TCF20: variants seen among roughly 807,000 people sequenced by gnomAD.
TCF20 encodes the protein SPRE-binding protein.
Under a neutral mutation model 148.6 loss-of-function variants are expected in TCF20, and 3 were observed. The ratio of observed to expected loss-of-function variants is 0.02; its 90% CI spans 0.01 to 0.05. TCF20 has a LOEUF of 0.05. Ranked by LOEUF, TCF20 falls within the 10% of genes least tolerant of loss-of-function variation. The pLI is 1.00. For synonymous variants in TCF20, 1,049 were observed against 909.5 expected (o/e 1.15, Z -2.76); for missense variants, 2,350 against 2,429.3 (o/e 0.97, Z 0.69).
rs148690831 is a variant in TCF20 at position 42,326,790 on chromosome 22, A to G, written c.-37+16689T>C. On this transcript the variant is annotated intron_variant, in intron 1 of 1. Coordinates refer to the TCF20 transcript ENST00000515426. ...TAGGGGGCTCCACCAGAGCAGCATC[A>G]ACCTTGCTAATCTTCAACTGAAGAG... is the stretch of plus-strand genomic sequence containing the variant. 5.1e-3 allele frequency among the ~76,000 whole-genome samples: 771 copies of G among 152,364 alleles called. 14 individuals carry two copies. The highest frequency in any genetic ancestry group is 3.7e-3 in the Admixed American group (57 of 15,308).
In TCF20 at chr22:42,317,397, C is replaced by T. The variant is rs1927651026; in HGVS notation, c.-37+26082G>A. 1.3e-5 allele frequency among the ~76,000 whole-genome samples: 2 copies of T among 152,114 alleles called. No individual in the cohort carries two copies. Among genetic ancestry groups the T allele is most frequent in the East Asian group, 3.9e-4 (2 of 5,192 alleles). On this transcript the variant is annotated intron_variant, in intron 1 of 1. Transcript: ENST00000515426. This position sits in a 1 kb window ranked among gnomAD's most constrained non-coding sequence, Gnocchi z 4.2. ...GTGTGTGGTGGGGAAGGAGGGGCGG[C>T]GCTGGGTGACGGAGCTTCGATTTAA...
chr22:42,218,907 A>G (rs928662999), intron 1 of TCF20, among the ~76,000 whole-genome samples: 56 of 152,124 alleles, frequency 3.7e-4, no homozygotes, highest in Admixed American at 2.7e-3. Flanking sequence ...AGAAAAAAAA[A>G]AAATCCAAGG....
In TCF20 at chr22:42,191,430, A is replaced by AG. The variant is rs1329263598; in HGVS notation, c.5656-11729dup. On this transcript the variant is annotated intron_variant, in intron 2 of 5. Transcript: ENST00000677622. ...TTAGCCTCTAAAGTAGCTGGATTAC[A>AG]GGCACCCACCATCACGTCCAGCTAA... is the stretch of plus-strand genomic sequence containing the variant. Among the ~76,000 whole-genome samples, 9 of 152,206 alleles carry AG rather than the reference A, an allele frequency of 5.9e-5. No homozygotes were observed. In the South Asian group the frequency reaches 1.7e-3, roughly 28 times the overall value.
chr22:42,326,953 A>G (rs1354608056), intron 1 of TCF20, among the ~76,000 whole-genome samples: 3 of 152,236 alleles, frequency 2.0e-5, no homozygotes, highest in African/African-American at 7.2e-5. Flanking sequence ...TTTTATAGTG[A>G]GGAAAGGGCA....
At chr22:42,320,940 G>T (rs1194525490) in intron 1 of TCF20, among the ~76,000 whole-genome samples, 1 of 152,184 alleles carries the variant, frequency 6.6e-6, no homozygotes, top group African/African-American at 2.4e-5. Flanking sequence ...TTTGTCCACA[G>T]TCATGGCCAT....
At chr22:42,245,253 A>C (rs966782230) in intron 1 of TCF20, among the ~76,000 whole-genome samples, 6 of 151,898 alleles carry the variant, frequency 4.0e-5, no homozygotes, top group Non-Finnish European at 8.8e-5. Context: ...ATGCCCGGCT[A>C]TTTTTAATTT....
intron 1 of TCF20, among the ~76,000 whole-genome samples, chr22:42,313,217 T>C (rs949595803): frequency 1.3e-5 from 2 of 152,216 alleles, no homozygotes; most frequent in Non-Finnish European, 2.9e-5. Context: ...TGGAGACAGC[T>C]GCTAGGATGC....
chr22:42,171,744 C>T (rs934874998), intron 3 of TCF20, among the ~76,000 whole-genome samples: 1 of 152,240 alleles, frequency 6.6e-6, no homozygotes, highest in East Asian at 1.9e-4. Flanking sequence ...ATGCTCTCTT[C>T]TTACCTGGGC....
chr22:42,200,959 C>T (rs1937968961), intron 2 of TCF20, among the ~76,000 whole-genome samples: 1 of 152,232 alleles, frequency 6.6e-6, no homozygotes, highest in Non-Finnish European at 1.5e-5. Context: ...TCTGTGACTT[C>T]ACCAAATCTC....
chr22:42,287,149 C>T (rs1927047338), upstream of TCF20, among the ~76,000 whole-genome samples: 1 of 152,184 alleles, frequency 6.6e-6, no homozygotes, highest in African/African-American at 2.4e-5. Flanking sequence ...AAGGCGACAA[C>T]TCCCAGGCAC....
chr22:42,293,319 C>A (rs1288797690), intron 1 of TCF20, among the ~76,000 whole-genome samples: 2 of 152,216 alleles, frequency 1.3e-5, no homozygotes, highest in African/African-American at 4.8e-5. Context: ...AGAGTATTGT[C>A]CCTAGGTGGG....
chr22:42,219,355 CAA>C (rs528664836), intron 1 of TCF20, among the ~76,000 whole-genome samples: 97 of 43,538 alleles, frequency 2.2e-3, no homozygotes, highest in African/African-American at 5.0e-3. Context: ...AACCCTGTCT[CAA>C]AAAAAAAAAA....
intron 3 of TCF20, among the ~76,000 whole-genome samples, chr22:42,179,298 T>A: frequency 6.7e-6 from 1 of 148,928 alleles, no homozygotes. Context: ...TTCATAACAG[T>A]CAAAAAGTGG....
At chr22:42,265,477 T>A (rs1017381915) in intron 1 of TCF20, among the ~76,000 whole-genome samples, 1 of 152,214 alleles carries the variant, frequency 6.6e-6, no homozygotes. Flanking sequence ...CTGGCCTTTT[T>A]TATTTTGCAG....
chr22:42,174,416 C>A (rs1239041326), intron 3 of TCF20, among the ~76,000 whole-genome samples: 1 of 152,100 alleles, frequency 6.6e-6, no homozygotes, highest in African/African-American at 2.4e-5. Context: ...TCCAGGGGGG[C>A]CCTTGCTGAA....
intron 1 of TCF20, among the ~76,000 whole-genome samples, chr22:42,268,415 T>C (rs1037849152): frequency 7.9e-5 from 12 of 152,224 alleles, no homozygotes; most frequent in African/African-American, 1.9e-4. Context: ...AAGGAGAAAG[T>C]TGGGGATGCA....
intron 3 of TCF20, among the ~76,000 whole-genome samples, chr22:42,173,056 G>A (rs1936223003): frequency 6.6e-6 from 1 of 151,764 alleles, no homozygotes; most frequent in Non-Finnish European, 1.5e-5. Flanking sequence ...AGAGATAGCA[G>A]CTTTAAAATG....
At chr22:42,314,286 G>A (rs573663038) in intron 1 of TCF20, among the ~76,000 whole-genome samples, 5 of 152,372 alleles carry the variant, frequency 3.3e-5, no homozygotes, top group South Asian at 2.1e-4. Flanking sequence ...TGCCTAATGC[G>A]AATCGCTTCT....
chr22:42,217,803 G>A (rs1039171750), intron 1 of TCF20, among the ~76,000 whole-genome samples: 17 of 152,144 alleles, frequency 1.1e-4, no homozygotes, highest in Admixed American at 2.0e-4. Flanking sequence ...GAGAACTGAG[G>A]AAAGACTTCA....
Sources: allele counts gnomAD v4.1 joint callset (sites outside exome capture counted in the v4.1 genomes callset), GRCh38; gene constraint gnomAD v4.1.1; non-coding constraint Gnocchi (gnomAD v3.1); transcripts MANE v1.5; gene names NCBI Gene and HGNC (gene_info 2026-07-23, HGNC 2026-07-21).